The following ZBTB20 variants were observed in gnomAD, a reference collection of about 807,000 sequenced individuals.
ZBTB20 encodes zinc finger and BTB domain containing 20, also known as zinc finger and BTB domain-containing protein 20.
A neutral mutation model predicts 56.9 loss-of-function variants in ZBTB20; 9 were observed. That is an observed-to-expected ratio of 0.16 (90% confidence interval 0.10 to 0.28). ZBTB20 has a LOEUF of 0.28. Ranked by LOEUF, ZBTB20 falls within the 10% of genes least tolerant of loss-of-function variation. The probability of loss-of-function intolerance (pLI) is 1.00; values close to 1 mark genes in which losing one functional copy is unlikely to be tolerated. For synonymous variants in ZBTB20, 417 were observed against 420.7 expected, an observed-to-expected ratio of 0.99 and a Z score of 0.11; for missense variants, 655 against 1,003.0, an observed-to-expected ratio of 0.65 and a Z score of 4.69.
intron 7 of ZBTB20, among the ~76,000 whole-genome samples, chr3:114,481,801 G>A (rs1395456694): frequency 2.6e-5 from 4 of 152,186 alleles, no homozygotes; most frequent in African/African-American, 9.7e-5. Flanking sequence ...CCAGAGGCCT[G>A]GGTCACCAGG....
chr3:114,542,417 G>C (rs1413322747), intron 6 of ZBTB20, among the ~76,000 whole-genome samples: 1 of 152,116 alleles, frequency 6.6e-6, no homozygotes, highest in Admixed American at 6.6e-5. Context: ...ATTCTGGCAG[G>C]AATAAATAAA....
chr3:114,892,719 A>T (rs899357037), intron 4 of ZBTB20, among the ~76,000 whole-genome samples: 1 of 152,158 alleles, frequency 6.6e-6, no homozygotes, highest in African/African-American at 2.4e-5. Flanking sequence ...CTTCAAACTG[A>T]TTCAATTACA....
intron 4 of ZBTB20, among the ~76,000 whole-genome samples, chr3:114,876,982 C>A (rs1316202647): frequency 6.6e-6 from 1 of 152,148 alleles, no homozygotes; most frequent in African/African-American, 2.4e-5. Flanking sequence ...AACTATGCTG[C>A]CTATTCATTT....
chr3:114,876,169 G>T (rs1250124038), intron 4 of ZBTB20, among the ~76,000 whole-genome samples: 1 of 151,692 alleles, frequency 6.6e-6, no homozygotes, highest in Non-Finnish European at 1.5e-5. Flanking sequence ...TGGGGAACAG[G>T]TGGTGTTTGG....
At chr3:114,621,050 T>C (rs1337225814) in intron 6 of ZBTB20, among the ~76,000 whole-genome samples, 1 of 152,232 alleles carries the variant, frequency 6.6e-6, no homozygotes, top group East Asian at 1.9e-4. Flanking sequence ...CTCAGCCTTA[T>C]AAAATAAAAT....
chr3:114,805,358 C>T (rs2072022976), intron 4 of ZBTB20, among the ~76,000 whole-genome samples: 1 of 151,776 alleles, frequency 6.6e-6, no homozygotes, highest in South Asian at 2.1e-4. Context: ...TTGGTCATTC[C>T]ATGTTTTTCA....
intron 8 of ZBTB20, among the ~76,000 whole-genome samples, chr3:114,386,039 G>C (rs2108585608): frequency 6.6e-6 from 1 of 152,218 alleles, no homozygotes; most frequent in South Asian, 2.1e-4. Context: ...TCACATGTTT[G>C]TCATTGCTGT....
rs1560091184 is a variant in ZBTB20, at chr3:114,339,085, C to T, written c.2146G>A (p.Val716Ile). ...AACTTTGCTGGGCAGACGGAGCAGA[C>T]GTAAGTGGTCCCCTCCGTGCAGGCC... ...VVACTEGTTY[V>I]CSVCPAKFDQ... Residue 716 changes from valine (V) to isoleucine (I), a missense_variant, in exon 12 of 12, where the codon GTC (valine) becomes ATC (isoleucine). This residue lies in a region of ZBTB20 where 89 missense variants were observed against 79.7 expected (regional missense o/e 1.12). Coordinates refer to ENST00000675478, the MANE Select transcript of ZBTB20 (RefSeq NM_001348800.3). The surrounding 1 kb of genome is among the most constrained non-coding windows in gnomAD (Gnocchi z 4.2). 1.3e-6 allele frequency: 2 copies of T among 1,584,932 alleles called. No homozygotes were observed. Among genetic ancestry groups the T allele is most frequent in the Non-Finnish European group, 1.7e-6 (2 of 1,163,684 alleles).
intron 3 of ZBTB20, among the ~76,000 whole-genome samples, chr3:114,925,031 TG>T (rs1017654418): frequency 2.7e-5 from 4 of 148,426 alleles, no homozygotes; most frequent in African/African-American, 7.5e-5. Flanking sequence ...GTCGCCAGGA[TG>T]GAGTGCAGTG....
Position 114,336,022 on chromosome 3 carries a change from T to C in ZBTB20, c.*2983A>G, listed in dbSNP as rs550102106. On this transcript the variant is annotated 3_prime_UTR_variant, in exon 12 of 12. Coordinates refer to ENST00000675478, the MANE Select transcript of ZBTB20 (RefSeq NM_001348800.3). ...ACAGAAAGCTACACGTGGCCCATAA[T>C]GGCACCTAAGATCAACTTTTCAGGC... 6.6e-6 allele frequency: 1 copy of C among 152,362 alleles called. No individual in the cohort carries two copies. Among genetic ancestry groups the C allele is most frequent in the South Asian group, 2.1e-4 (1 of 4,828 alleles). The allele number at this position is 152,362 out of a possible 1,614,324, so 9.4% of individuals were successfully genotyped here.
intron 10 of ZBTB20, among the ~76,000 whole-genome samples, chr3:114,371,431 A>G (rs116731892): frequency 0.011 from 1,680 of 152,282 alleles, 31 homozygotes; most frequent in African/African-American, 0.038. Context: ...GAGTGAATCA[A>G]TGCTCCGGTG....
chr3:114,713,352 C>T (rs1287212543), intron 5 of ZBTB20, among the ~76,000 whole-genome samples: 2 of 152,068 alleles, frequency 1.3e-5, no homozygotes, highest in African/African-American at 2.4e-5. Context: ...AATTTCCTAA[C>T]ACAGAAATTA....
chr3:114,335,232 A>C lies in ZBTB20; in HGVS notation c.*3773T>G, dbSNP rs2079410385. 6.6e-6 allele frequency: 1 copy of C among 152,126 alleles called. No individual in the cohort carries two copies. The highest frequency in any genetic ancestry group is 6.5e-5 in the Admixed American group (1 of 15,268). The allele number at this position is 152,126 out of a possible 1,614,324, so 9.4% of individuals were successfully genotyped here. A position where few individuals can be genotyped will look rare whatever the true frequency, so the allele number is the denominator to read the frequency against. On this transcript the variant is annotated 3_prime_UTR_variant, in exon 12 of 12. Coordinates refer to ENST00000675478, the MANE Select transcript of ZBTB20 (RefSeq NM_001348800.3). ...TTCTCTCTTCCTTGTACTCATCCTA[A>C]GAAGTCTTAAATCTGGAACATTTGC...
intron 6 of ZBTB20, among the ~76,000 whole-genome samples, chr3:114,645,828 T>C (rs1049685411): frequency 6.6e-6 from 1 of 152,202 alleles, no homozygotes; most frequent in African/African-American, 2.4e-5. Context: ...TTACAAAGAA[T>C]GTTGTATAAA....
intron 7 of ZBTB20, among the ~76,000 whole-genome samples, chr3:114,474,878 C>A (rs1236933708): frequency 6.6e-6 from 1 of 152,166 alleles, no homozygotes; most frequent in Non-Finnish European, 1.5e-5. Context: ...TTGTAATAGT[C>A]TCCTGCCTGA....
intron 2 of ZBTB20, among the ~76,000 whole-genome samples, chr3:115,005,076 T>C (rs1010291929): frequency 1.3e-5 from 2 of 151,646 alleles, no homozygotes; most frequent in Non-Finnish European, 3.0e-5. Context: ...TGGGTAGTCA[T>C]TGTATTCAAG....
At chr3:114,875,119 C>T (rs2076146002) in intron 4 of ZBTB20, among the ~76,000 whole-genome samples, 1 of 152,138 alleles carries the variant, frequency 6.6e-6, no homozygotes, top group Admixed American at 6.6e-5. Context: ...CTATGCCATT[C>T]ACCGCCAGCA....
chr3:114,479,017 G>C (rs1162140023), intron 7 of ZBTB20, among the ~76,000 whole-genome samples: 1 of 149,814 alleles, frequency 6.7e-6, no homozygotes, highest in Non-Finnish European at 1.5e-5. Context: ...AAGTGCTATA[G>C]TTACAGCTGG....
chr3:114,874,642 G>T (rs2076126417), intron 4 of ZBTB20, among the ~76,000 whole-genome samples: 1 of 152,144 alleles, frequency 6.6e-6, no homozygotes, highest in African/African-American at 2.4e-5. Context: ...TCAGGAAACA[G>T]GCTACACAGA....
Sources: gnomAD v4.1 joint callset for allele counts (sites outside exome capture counted in the v4.1 genomes callset) on GRCh38, gnomAD v4.1.1 for gene constraint, gnomAD v4.1.1 regional missense constraint, Gnocchi (gnomAD v3.1) non-coding constraint, MANE v1.5 for transcripts, NCBI Gene and HGNC (gene_info 2026-07-23, HGNC 2026-07-21) for gene names.